BNC2: variants seen among roughly 807,000 people sequenced by gnomAD.
BNC2 encodes basonuclin zinc finger protein 2.
BNC2 carries 20 observed loss-of-function variants against 76.3 expected under a neutral mutation model. The observed-to-expected ratio is 0.26, with a 90% CI of 0.18 to 0.38. The LOEUF is 0.38. BNC2 is among the 10% of genes least tolerant of loss of function. The pLI is 1.00. For synonymous variants in BNC2, 582 were observed against 514.8 expected (o/e 1.13, Z -1.77); for missense variants, 1,382 against 1,399.8 (o/e 0.99, Z 0.20).
chr9:16,703,033 A>C (rs1329242265), intron 3 of BNC2, among the ~76,000 whole-genome samples: 1 of 152,202 alleles, frequency 6.6e-6, no homozygotes, highest in African/African-American at 2.4e-5. Context: ...TTTTACTTTT[A>C]TGCGGAGAAG....
At chr9:16,691,563 G>A (rs1823167901) in intron 3 of BNC2, among the ~76,000 whole-genome samples, 2 of 140,702 alleles carry the variant, frequency 1.4e-5, no homozygotes, top group Non-Finnish European at 1.5e-5. Context: ...AGGCTGGAAC[G>A]CAGTGGTGCG....
At chr9:16,437,650 T>C (rs1294256301) in intron 5 of BNC2, 126 bp from the exon 6 acceptor site, 15 of 1,120,398 alleles carry the variant, frequency 1.3e-5, no homozygotes, top group Admixed American at 2.4e-5. Flanking sequence ...GAAAACAACA[T>C]GCAAGCACTG....
rs139186386 is a variant in BNC2, at chr9:16,709,339, T to C, written c.330+18458A>G. Among the ~76,000 whole-genome samples the C allele has an allele frequency of 5.8e-3, 881 of 152,340 alleles. 12 individuals are homozygous for C. Among genetic ancestry groups the C allele is most frequent in the African/African-American group, 0.021 (855 of 41,564 alleles). On this transcript the variant is annotated intron_variant, in intron 3 of 6. Transcript: ENST00000380672. The stretch of plus-strand genomic sequence containing the variant: ...AATAACTTGAATCAGCAACCCACGC[T>C]GCCATCGTCAGAATTTACTTTATGG...
At chr9:16,653,016 G>A (rs1821834773) in intron 3 of BNC2, among the ~76,000 whole-genome samples, 1 of 152,018 alleles carries the variant, frequency 6.6e-6, no homozygotes, top group South Asian at 2.1e-4. Context: ...AATGTTGGCG[G>A]TTATATGTTT....
At chr9:16,794,395 A>G (rs1166025584) in intron 1 of BNC2, among the ~76,000 whole-genome samples, 1 of 152,226 alleles carries the variant, frequency 6.6e-6, no homozygotes. Context: ...CTGTTCATTA[A>G]GACCAAGGCT....
At chr9:16,839,571 C>G (rs915170403) in intron 1 of BNC2, among the ~76,000 whole-genome samples, 1 of 152,088 alleles carries the variant, frequency 6.6e-6, no homozygotes, top group African/African-American at 2.4e-5. Flanking sequence ...AGAAGAGAAC[C>G]CCATGCAAGT....
At chr9:16,734,163 G>C (rs1456430441) in intron 2 of BNC2, among the ~76,000 whole-genome samples, 3 of 152,148 alleles carry the variant, frequency 2.0e-5, no homozygotes, top group African/African-American at 2.4e-5. Flanking sequence ...CCTAAATGTA[G>C]CAGCCTTTAA....
intron 5 of BNC2, among the ~76,000 whole-genome samples, chr9:16,495,949 C>T (rs980547239): frequency 6.7e-6 from 1 of 150,074 alleles, no homozygotes; most frequent in Admixed American, 6.7e-5. Context: ...ACTCTTGTTG[C>T]CCAGGCTGAA....
intron 1 of BNC2, among the ~76,000 whole-genome samples, chr9:16,799,195 C>G (rs1012869355): frequency 6.6e-6 from 1 of 152,054 alleles, no homozygotes; most frequent in African/African-American, 2.4e-5. Context: ...TATAAAGAAG[C>G]AGAAATTAGT....
chr9:16,782,233 C>T (rs1384433683), intron 1 of BNC2, among the ~76,000 whole-genome samples: 2 of 151,600 alleles, frequency 1.3e-5, no homozygotes, highest in African/African-American at 2.4e-5. Context: ...TTCAGTCAGC[C>T]GAGATTGTGC....
At chr9:16,762,746 G>A (rs1825587033) in intron 1 of BNC2, among the ~76,000 whole-genome samples, 1 of 152,154 alleles carries the variant, frequency 6.6e-6, no homozygotes, top group African/African-American at 2.4e-5. Context: ...TCAACTTCTG[G>A]ATTCCACAGA....
At chr9:16,596,779 T>G (rs915250115) in intron 3 of BNC2, among the ~76,000 whole-genome samples, 5 of 152,174 alleles carry the variant, frequency 3.3e-5, no homozygotes, top group Non-Finnish European at 2.9e-5. Context: ...GATTGTGAAT[T>G]TCATTACATA....
intron 3 of BNC2, among the ~76,000 whole-genome samples, chr9:16,592,334 T>C (rs1483962388): frequency 1.3e-5 from 2 of 152,124 alleles, no homozygotes; most frequent in African/African-American, 2.4e-5. Flanking sequence ...TATATTAATA[T>C]AATGAAATTT....
At chr9:16,474,574 T>G (rs560511544) in intron 5 of BNC2, among the ~76,000 whole-genome samples, 140 of 152,292 alleles carry the variant, frequency 9.2e-4, no homozygotes, top group Non-Finnish European at 9.1e-4. Flanking sequence ...GAAGGTTTGA[T>G]GAGAAAGATG....
intron 1 of BNC2, among the ~76,000 whole-genome samples, chr9:16,796,570 TCAAAAAAAAA>T (rs1379979638): frequency 2.6e-4 from 9 of 34,558 alleles, no homozygotes; most frequent in South Asian, 2.1e-3. Context: ...AGACTCCGTC[TCAAAAAAAAA>T]AGAAAGAAAA....
At chr9:16,592,197 C>T (rs1380887258) in intron 3 of BNC2, among the ~76,000 whole-genome samples, 3 of 151,766 alleles carry the variant, frequency 2.0e-5, no homozygotes, top group Admixed American at 2.0e-4. Flanking sequence ...CCAAAATAAT[C>T]GAAAGAGATT....
chr9:16,727,894 G>A lies in BNC2; in HGVS notation c.233C>T (p.Ser78Phe), dbSNP rs1489714132. The change falls in exon 3 of 7, where the codon TCC becomes TTC. Residue 78 changes from serine to phenylalanine, a missense_variant. Physicochemically the swap from Ser to Phe is radical, Grantham distance 155. Transcript: ENST00000380672. The part of the protein sequence containing the change: ...LTLRDSCTDN[S>F]MQFGTRTTTA... ...AGTCGTTCTGGTTCCGAACTGCATG[G>A]AGTTGTCAGTACAGGAGTCTCTTAA... The A allele has an allele frequency of 1.2e-6, 2 of 1,614,160 alleles. No individual in the cohort carries two copies. Among genetic ancestry groups the A allele is most frequent in the Admixed American group, 1.7e-5 (1 of 60,020 alleles).
chr9:16,530,731 C>G (rs1159995954), intron 5 of BNC2, among the ~76,000 whole-genome samples: 1 of 152,130 alleles, frequency 6.6e-6, no homozygotes, highest in East Asian at 1.9e-4. Context: ...GCTGTGTGGG[C>G]AGAACTTCTG....
chr9:16,632,628 T>C (rs1821195836), intron 3 of BNC2, among the ~76,000 whole-genome samples: 1 of 152,226 alleles, frequency 6.6e-6, no homozygotes, highest in Non-Finnish European at 1.5e-5. Flanking sequence ...CCATTTTATA[T>C]AAGCCATAAT....
Sources: gnomAD v4.1 joint callset for allele counts (sites outside exome capture counted in the v4.1 genomes callset) on GRCh38, gnomAD v4.1.1 for gene constraint, MANE v1.5 for transcripts, NCBI Gene and HGNC (gene_info 2026-07-23, HGNC 2026-07-21) for gene names.